The following EIF4E3 variants were observed in gnomAD, a reference collection of about 807,000 sequenced individuals.
EIF4E3 encodes eukaryotic translation initiation factor 4E family member 3.
Under a neutral mutation model 31.7 loss-of-function variants are expected in EIF4E3, and 26 were observed. That is an observed-to-expected ratio of 0.82 (90% CI 0.60 to 1.14). The LOEUF is 1.14. EIF4E3 is among the 50% of genes most tolerant of loss of function. The pLI is 0.00. For missense variants in EIF4E3, 304 were observed against 270.9 expected (o/e 1.12, Z -0.86); for synonymous variants, 128 against 107.7 (o/e 1.19, Z -1.17).
the EIF4E3 span, among the ~76,000 whole-genome samples, chr3:71,669,126 C>A: frequency 2.6e-4 from 40 of 152,144 alleles, no homozygotes; most frequent in Middle Eastern, 0.014. Flanking sequence ...AACCATCATT[C>A]TCAGCAAACT....
At chr3:71,669,088 C>T in the EIF4E3 span, among the ~76,000 whole-genome samples, 2 of 152,250 alleles carry the variant, frequency 1.3e-5, no homozygotes, top group East Asian at 1.9e-4. Flanking sequence ...GAGTTCATGT[C>T]CTTTGCAGGG....
At chr3:71,751,735 G>A (rs1180067373) in intron 1 of EIF4E3, among the ~76,000 whole-genome samples, 2 of 152,158 alleles carry the variant, frequency 1.3e-5, no homozygotes, top group Non-Finnish European at 2.9e-5. Flanking sequence ...TACTTAGATG[G>A]CTGGAATATT....
intron 1 of EIF4E3, among the ~76,000 whole-genome samples, chr3:71,716,081 C>T (rs186043907): frequency 3.1e-4 from 47 of 152,302 alleles, no homozygotes; most frequent in Admixed American, 2.5e-3. Flanking sequence ...AATCTTGCCT[C>T]CCCACCATAT....
intron 1 of EIF4E3, among the ~76,000 whole-genome samples, chr3:71,752,812 G>A (rs57695946): frequency 0.015 from 2,235 of 152,320 alleles, 53 homozygotes; most frequent in African/African-American, 0.051. Context: ...CCTACGGAGA[G>A]GGAGCCTGTT....
rs568009047 is a variant in EIF4E3 at position 71,675,675 on chromosome 3, T to G, written c.*9007A>C. The G allele has an allele frequency of 6.6e-6, 1 of 152,362 alleles. No individual in the cohort carries two copies. Among genetic ancestry groups the G allele is most frequent in the African/African-American group, 2.4e-5 (1 of 41,590 alleles). 9.4% of individuals were successfully genotyped at this position (152,362 alleles called of 1,614,324 possible). A position where few individuals can be genotyped will look rare whatever the true frequency, so the allele number is the denominator to read the frequency against. On this transcript the variant is annotated 3_prime_UTR_variant, in exon 7 of 7. Transcript: ENST00000425534. ...TGACCTTGAACGAATTCTTTATACT[T>G]TCTGGGTCATTTCTTCATCTGTAAA...
intron 5 of EIF4E3, among the ~76,000 whole-genome samples, chr3:71,693,077 A>G (rs1427126874): frequency 6.6e-6 from 1 of 152,226 alleles, no homozygotes; most frequent in East Asian, 1.9e-4. Context: ...ATTAGCTAAA[A>G]AGAAAAACTT....
chr3:71,753,259 C>A (rs1266040474), intron 1 of EIF4E3, among the ~76,000 whole-genome samples: 1 of 152,220 alleles, frequency 6.6e-6, no homozygotes, highest in Non-Finnish European at 1.5e-5. Flanking sequence ...CACTGCCACC[C>A]ACATCAGTGC....
intron 1 of EIF4E3, among the ~76,000 whole-genome samples, chr3:71,711,931 C>T (rs896947250): frequency 1.3e-5 from 2 of 152,024 alleles, no homozygotes; most frequent in Non-Finnish European, 2.9e-5. Context: ...TGCAGTGCAC[C>T]GAGGTCGGGC....
chr3:71,731,095 C>G (rs1014251115), intron 1 of EIF4E3, among the ~76,000 whole-genome samples: 18 of 152,194 alleles, frequency 1.2e-4, no homozygotes, highest in African/African-American at 4.3e-4. Context: ...CAAGCATGGC[C>G]TGGAGGACTG....
upstream of EIF4E3, among the ~76,000 whole-genome samples, chr3:71,727,879 C>T (rs2049658983): frequency 6.6e-6 from 1 of 152,166 alleles, no homozygotes; most frequent in African/African-American, 2.4e-5. Flanking sequence ...TTTTTATCTG[C>T]AGTTTCTGTA....
chr3:71,735,762 C>G (rs1435346041), intron 1 of EIF4E3, among the ~76,000 whole-genome samples: 7 of 147,864 alleles, frequency 4.7e-5, no homozygotes, highest in African/African-American at 1.7e-4. Context: ...CCCAGAACAT[C>G]TTTTCATTTT....
intron 5 of EIF4E3, among the ~76,000 whole-genome samples, chr3:71,692,264 G>A (rs1372080936): frequency 1.3e-5 from 2 of 152,144 alleles, no homozygotes; most frequent in Admixed American, 1.3e-4. Flanking sequence ...GGGGAGTGAG[G>A]CCCAGAGAGA....
At chr3:71,747,876 C>T (rs772222433) in intron 1 of EIF4E3, among the ~76,000 whole-genome samples, 2 of 152,292 alleles carry the variant, frequency 1.3e-5, no homozygotes, top group African/African-American at 2.4e-5. Context: ...TTTCACTAAA[C>T]ACATTTTGCT....
chr3:71,664,816 A>G, the EIF4E3 span, among the ~76,000 whole-genome samples: 1 of 152,228 alleles, frequency 6.6e-6, no homozygotes, highest in African/African-American at 2.4e-5. Flanking sequence ...CAGAGGTTGC[A>G]GTGAGCTGAG....
intron 1 of EIF4E3, among the ~76,000 whole-genome samples, chr3:71,722,370 A>G (rs1167605014): frequency 6.6e-6 from 1 of 152,220 alleles, no homozygotes; most frequent in Non-Finnish European, 1.5e-5. Flanking sequence ...CTGTGACTGG[A>G]TGAGATCCCT....
At chr3:71,752,950 G>A (rs1578397895) in intron 1 of EIF4E3, among the ~76,000 whole-genome samples, 1 of 152,194 alleles carries the variant, frequency 6.6e-6, no homozygotes, top group Non-Finnish European at 1.5e-5. Context: ...TGGGAGGAAG[G>A]TGGCATAGGG....
At chr3:71,727,491 C>T (rs950569973), upstream of EIF4E3, among the ~76,000 whole-genome samples, 1 of 152,174 alleles carries the variant, frequency 6.6e-6, no homozygotes, top group African/African-American at 2.4e-5. Flanking sequence ...TAGCCTCCAA[C>T]ATTTATGTGG....
chr3:71,691,590 G>A (rs919360422), intron 5 of EIF4E3, among the ~76,000 whole-genome samples: 39 of 152,120 alleles, frequency 2.6e-4, no homozygotes, highest in South Asian at 2.1e-4. Flanking sequence ...GGATCCTGGC[G>A]GGCTGGTAAT....
intron 1 of EIF4E3, among the ~76,000 whole-genome samples, chr3:71,713,942 G>A (rs2049419778): frequency 1.3e-5 from 2 of 152,092 alleles, no homozygotes; most frequent in Admixed American, 1.3e-4. Flanking sequence ...TGGGCACAGT[G>A]GTTCACACCT....
Sources: gnomAD v4.1 joint callset for allele counts (sites outside exome capture counted in the v4.1 genomes callset) on GRCh38, gnomAD v4.1.1 for gene constraint, MANE v1.5 for transcripts, NCBI Gene and HGNC (gene_info 2026-07-23, HGNC 2026-07-21) for gene names.